The following NXPH2 variants were observed in gnomAD, a reference collection of about 807,000 sequenced individuals.
NXPH2 encodes the protein neurexophilin-2.
Under a neutral mutation model 19.8 loss-of-function variants are expected in NXPH2, and 5 were observed. That is an observed-to-expected ratio of 0.25 (90% confidence interval 0.13 to 0.53). The LOEUF is 0.53. Ranked by LOEUF, NXPH2 falls within the 20% of genes least tolerant of loss-of-function variation. NXPH2 has a pLI of 0.96. For missense variants in NXPH2, 289 were observed against 322.8 expected (o/e 0.90, Z 0.80); for synonymous variants, 154 against 127.4 (o/e 1.21, Z -1.41).
intron 1 of NXPH2, among the ~76,000 whole-genome samples, chr2:138,739,747 G>A (rs752352547): frequency 1.3e-5 from 2 of 152,174 alleles, no homozygotes; most frequent in South Asian, 4.1e-4. Context: ...CCCAGCAATA[G>A]TGAAGCTATC....
intron 1 of NXPH2, among the ~76,000 whole-genome samples, chr2:138,757,688 C>T (rs112766731): frequency 4.6e-5 from 7 of 151,880 alleles, no homozygotes; most frequent in African/African-American, 1.7e-4. Context: ...TGTGTAAGGC[C>T]AACCATCCCC....
intron 1 of NXPH2, among the ~76,000 whole-genome samples, chr2:138,682,516 G>T (rs1680593981): frequency 6.6e-6 from 1 of 152,120 alleles, no homozygotes; most frequent in Admixed American, 6.5e-5. Context: ...ATATTTTGTG[G>T]CATAATGTGG....
chr2:138,684,167 T>C (rs932427328), intron 1 of NXPH2, among the ~76,000 whole-genome samples: 1 of 152,188 alleles, frequency 6.6e-6, no homozygotes, highest in African/African-American at 2.4e-5. Flanking sequence ...GGGCAGGAAA[T>C]AGCCTTAGAG....
At chr2:138,728,155 GCT>G (rs58409379) in intron 1 of NXPH2, among the ~76,000 whole-genome samples, 113,677 of 148,696 alleles carry the variant, frequency 0.76, 44,402 homozygotes, top group East Asian at 0.94. Context: ...ACCAGAGTGC[GCT>G]CTCTCTCTCT....
intron 1 of NXPH2, among the ~76,000 whole-genome samples, chr2:138,720,678 G>A (rs189327322): frequency 1.3e-5 from 2 of 152,320 alleles, no homozygotes; most frequent in Non-Finnish European, 2.9e-5. Context: ...GGCAGCACAG[G>A]GGGCTGGCTC....
At chr2:138,739,818 A>T (rs1264756975) in intron 1 of NXPH2, among the ~76,000 whole-genome samples, 1 of 152,242 alleles carries the variant, frequency 6.6e-6, no homozygotes, top group East Asian at 1.9e-4. Flanking sequence ...AACAAAAAAT[A>T]AACATAAGCA....
intron 1 of NXPH2, among the ~76,000 whole-genome samples, chr2:138,715,003 A>C (rs1280191794): frequency 6.6e-6 from 1 of 152,222 alleles, no homozygotes; most frequent in African/African-American, 2.4e-5. Context: ...TGGAAAAGTA[A>C]AACTTAGAAG....
intron 1 of NXPH2, among the ~76,000 whole-genome samples, chr2:138,699,565 G>A (rs1454886912): frequency 2.0e-5 from 3 of 152,128 alleles, no homozygotes; most frequent in Non-Finnish European, 4.4e-5. Flanking sequence ...CCTAGGGGCA[G>A]CGGTGAGACT....
chr2:138,773,953 C>T (rs372206763), intron 1 of NXPH2, among the ~76,000 whole-genome samples: 1 of 152,186 alleles, frequency 6.6e-6, no homozygotes. Flanking sequence ...GTAGGTCTCA[C>T]ATGCCAGTTT....
intron 1 of NXPH2, among the ~76,000 whole-genome samples, chr2:138,703,183 G>A (rs938131235): frequency 7.9e-5 from 12 of 152,104 alleles, no homozygotes; most frequent in African/African-American, 2.7e-4. Flanking sequence ...CTAATGCTTC[G>A]AGTGTTGATG....
chr2:138,750,936 C>G lies in NXPH2; in HGVS notation c.51+29255G>C, dbSNP rs980032307. On this transcript the variant is annotated intron_variant, in intron 1 of 1. Transcript: ENST00000272641. ...CCATGTCTGGCTTCTTCACTTCACT[C>G]TGGGCTCAGATCAAATGCCAAGTCA... Among the ~76,000 whole-genome samples, 40 of 152,166 alleles carry G rather than the reference C, an allele frequency of 2.6e-4. 1 individual carries two copies. The highest frequency in any genetic ancestry group is 9.6e-4 in the African/African-American group (40 of 41,528).
intron 1 of NXPH2, among the ~76,000 whole-genome samples, chr2:138,772,378 C>A (rs1052869684): frequency 6.6e-6 from 1 of 152,194 alleles, no homozygotes; most frequent in Admixed American, 6.5e-5. Flanking sequence ...CTCAACACAA[C>A]CTCTGCCTCT....
At chr2:138,761,662 AG>A (rs1558931674) in intron 1 of NXPH2, among the ~76,000 whole-genome samples, 2 of 152,358 alleles carry the variant, frequency 1.3e-5, no homozygotes, top group Admixed American at 6.5e-5. Flanking sequence ...TTTGGGCTTT[AG>A]TACCCAAGTA....
intron 1 of NXPH2, among the ~76,000 whole-genome samples, chr2:138,700,889 A>T (rs553723831): frequency 3.3e-5 from 5 of 152,188 alleles, no homozygotes; most frequent in African/African-American, 9.6e-5. Context: ...ACTGCAGGAG[A>T]ATTTCACATC....
intron 1 of NXPH2, among the ~76,000 whole-genome samples, chr2:138,714,924 G>T (rs775502886): frequency 3.9e-5 from 6 of 152,150 alleles, no homozygotes; most frequent in Non-Finnish European, 8.8e-5. Context: ...TGATAATTCA[G>T]CAAGAATGAC....
chr2:138,736,265 A>G (rs1681536999), intron 1 of NXPH2, among the ~76,000 whole-genome samples: 1 of 152,130 alleles, frequency 6.6e-6, no homozygotes, highest in Non-Finnish European at 1.5e-5. Flanking sequence ...TGAGGGCCCC[A>G]CCCTTGCAGC....
chr2:138,673,400 A>C (rs1054462405), intron 1 of NXPH2, among the ~76,000 whole-genome samples: 1 of 152,110 alleles, frequency 6.6e-6, no homozygotes, highest in African/African-American at 2.4e-5. Context: ...ATAATATTTT[A>C]CATATTTATG....
intron 1 of NXPH2, among the ~76,000 whole-genome samples, chr2:138,753,576 G>GT (rs1681857944): frequency 1.3e-5 from 2 of 152,214 alleles, no homozygotes; most frequent in South Asian, 4.1e-4. Context: ...AAATATATAT[G>GT]TGTATGCTAA....
chr2:138,688,331 G>A (rs542646794), intron 1 of NXPH2, among the ~76,000 whole-genome samples: 16 of 152,076 alleles, frequency 1.1e-4, no homozygotes, highest in Admixed American at 2.0e-4. Flanking sequence ...TTACAGGCAC[G>A]TGCCACCACG....
Sources: gnomAD v4.1 joint callset for allele counts (sites outside exome capture counted in the v4.1 genomes callset) on GRCh38, gnomAD v4.1.1 for gene constraint, MANE v1.5 for transcripts, NCBI Gene and HGNC (gene_info 2026-07-23, HGNC 2026-07-21) for gene names.